PTPRD: variants seen among roughly 807,000 people sequenced by gnomAD.
PTPRD encodes receptor-type tyrosine-protein phosphatase delta.
In PTPRD, 34 loss-of-function variants were observed where a neutral mutation model predicts 214.5. The ratio of observed to expected loss-of-function variants is 0.16; its 90% CI spans 0.12 to 0.21. The LOEUF (loss-of-function observed/expected upper bound fraction) is 0.21. Among genes scored for constraint, PTPRD ranks in the 10% least tolerant of loss-of-function variants. PTPRD has a pLI of 1.00. For synonymous variants in PTPRD, 1,128 were observed against 845.7 expected (o/e 1.33, Z -5.79); for missense variants, 2,545 against 2,398.7 (o/e 1.06, Z -1.27).
intron 10 of PTPRD, among the ~76,000 whole-genome samples, chr9:9,161,800 T>A (rs1011137939): frequency 6.6e-6 from 1 of 152,056 alleles, no homozygotes; most frequent in Non-Finnish European, 1.5e-5. Flanking sequence ...CTCTAAATGG[T>A]AAACTATGTA....
chr9:10,135,544 T>A (rs1297744856), intron 3 of PTPRD, among the ~76,000 whole-genome samples: 1 of 152,008 alleles, frequency 6.6e-6, no homozygotes, highest in Non-Finnish European at 1.5e-5. Context: ...AGCAGGAACA[T>A]TACAAGCCAG....
At chr9:9,197,647 G>T (rs1179925381) in intron 9 of PTPRD, among the ~76,000 whole-genome samples, 1 of 152,152 alleles carries the variant, frequency 6.6e-6, no homozygotes, top group East Asian at 1.9e-4. Flanking sequence ...CTGACCTCAG[G>T]TGATCTGCCC....
At chr9:9,504,302 A>G (rs1218927634) in intron 8 of PTPRD, among the ~76,000 whole-genome samples, 2 of 151,672 alleles carry the variant, frequency 1.3e-5, no homozygotes, top group Non-Finnish European at 3.0e-5. Flanking sequence ...CCCAATATAT[A>G]TTGCTCAAAT....
chr9:8,420,167 A>G (rs1271264632), intron 35 of PTPRD, among the ~76,000 whole-genome samples: 2 of 152,150 alleles, frequency 1.3e-5, no homozygotes, highest in African/African-American at 2.4e-5. Context: ...TTGGATAAAA[A>G]CACTAAAGGA....
chr9:9,480,071 G>A (rs1184937985), intron 8 of PTPRD, among the ~76,000 whole-genome samples: 1 of 152,144 alleles, frequency 6.6e-6, no homozygotes, highest in African/African-American at 2.4e-5. Context: ...ACAGAATGTT[G>A]CTATCAAAAA....
chr9:8,642,337 CTGAT>C (rs2096594395), intron 12 of PTPRD, among the ~76,000 whole-genome samples: 1 of 152,110 alleles, frequency 6.6e-6, no homozygotes, highest in African/African-American at 2.4e-5. Flanking sequence ...TTTCTTTTAA[CTGAT>C]TAACATTTCC....
intron 45 of PTPRD, among the ~76,000 whole-genome samples, chr9:8,319,146 G>C (rs1042702880): frequency 1.9e-4 from 29 of 152,048 alleles, no homozygotes; most frequent in African/African-American, 6.8e-4. Context: ...AAATCCGTCT[G>C]AAAGATACTG....
At chr9:9,326,128 A>G (rs1454439978) in intron 9 of PTPRD, among the ~76,000 whole-genome samples, 1 of 152,096 alleles carries the variant, frequency 6.6e-6, no homozygotes, top group African/African-American at 2.4e-5. Context: ...TAACTCTGAT[A>G]TAACTATGAG....
At chr9:8,593,213 G>C (rs1221867331) in intron 14 of PTPRD, among the ~76,000 whole-genome samples, 1 of 152,134 alleles carries the variant, frequency 6.6e-6, no homozygotes, top group Admixed American at 6.6e-5. Context: ...CTTGCTTGAG[G>C]GCGTTTATCT....
At chr9:9,243,108 C>A (rs1416076303) in intron 9 of PTPRD, among the ~76,000 whole-genome samples, 1 of 152,054 alleles carries the variant, frequency 6.6e-6, no homozygotes, top group Non-Finnish European at 1.5e-5. Flanking sequence ...GAGGTCAACA[C>A]CAGACCCTGT....
intron 33 of PTPRD, among the ~76,000 whole-genome samples, chr9:8,454,361 T>C (rs1411190557): frequency 6.6e-6 from 1 of 152,238 alleles, no homozygotes; most frequent in Non-Finnish European, 1.5e-5. Context: ...CTTTTAAACT[T>C]CGCCTTTAAT....
chr9:8,789,561 A>G (rs1034061720), intron 11 of PTPRD, among the ~76,000 whole-genome samples: 1 of 152,160 alleles, frequency 6.6e-6, no homozygotes, highest in African/African-American at 2.4e-5. Flanking sequence ...GTTTTTAGCT[A>G]GTTCAAGTTT....
chr9:8,761,580 G>C (rs1480859028), intron 11 of PTPRD, among the ~76,000 whole-genome samples: 2 of 152,110 alleles, frequency 1.3e-5, no homozygotes, highest in African/African-American at 4.8e-5. Context: ...AAGGTTAGTA[G>C]AAAGAACTAA....
At chr9:9,051,533 T>A (rs2099685499) in intron 10 of PTPRD, among the ~76,000 whole-genome samples, 1 of 152,178 alleles carries the variant, frequency 6.6e-6, no homozygotes, top group African/African-American at 2.4e-5. Flanking sequence ...TCTTTCTTCA[T>A]TTTTTAACAT....
chr9:9,781,650 A>C (rs906162345), intron 5 of PTPRD, among the ~76,000 whole-genome samples: 5 of 152,170 alleles, frequency 3.3e-5, no homozygotes, highest in Non-Finnish European at 7.3e-5. Context: ...AATTATGCTG[A>C]AACTTTTGGA....
chr9:10,332,004 TAGC>T (rs1190082578), intron 3 of PTPRD, among the ~76,000 whole-genome samples: 2 of 151,836 alleles, frequency 1.3e-5, no homozygotes, highest in Admixed American at 1.3e-4. Flanking sequence ...AATCACACAC[TAGC>T]AGCAATAAGA....
At chr9:8,332,159 T>C (rs992613028) in intron 43 of PTPRD, among the ~76,000 whole-genome samples, 2 of 152,172 alleles carry the variant, frequency 1.3e-5, no homozygotes, top group South Asian at 2.1e-4. Context: ...CTAATTACTT[T>C]GTAATAAATA....
chr9:8,632,783 C>A (rs150191123), intron 14 of PTPRD, among the ~76,000 whole-genome samples: 10 of 151,922 alleles, frequency 6.6e-5, no homozygotes, highest in Admixed American at 2.6e-4. Context: ...TTATTTAGAT[C>A]AATACATATT....
chr9:10,606,234 G>T (rs1290785515), intron 2 of PTPRD, among the ~76,000 whole-genome samples: 1 of 151,846 alleles, frequency 6.6e-6, no homozygotes, highest in Non-Finnish European at 1.5e-5. Flanking sequence ...CAAGGTGAAA[G>T]ATTTATCTTT....
Sources: allele counts gnomAD v4.1 joint callset (sites outside exome capture counted in the v4.1 genomes callset), GRCh38; gene constraint gnomAD v4.1.1; transcripts MANE v1.5; gene names NCBI Gene and HGNC (gene_info 2026-07-23, HGNC 2026-07-21).